ZFYVE9: variants seen among roughly 807,000 people sequenced by gnomAD.
ZFYVE9 encodes the protein zinc finger FYVE domain-containing protein 9.
ZFYVE9 carries 43 observed loss-of-function variants against 126.7 expected under a neutral mutation model. That is an observed-to-expected ratio of 0.34 (90% CI 0.27 to 0.44). The LOEUF (loss-of-function observed/expected upper bound fraction) is 0.44. Among genes scored for constraint, ZFYVE9 ranks in the 20% least tolerant of loss-of-function variants. The probability of loss-of-function intolerance (pLI) is 1.00; values close to 1 mark genes in which losing one functional copy is unlikely to be tolerated. For synonymous variants in ZFYVE9, 521 were observed against 597.4 expected (o/e 0.87, Z 1.87); for missense variants, 1,476 against 1,697.0 (o/e 0.87, Z 2.29).
At chr1:52,323,599 A>G (rs993154591) in intron 13 of ZFYVE9, among the ~76,000 whole-genome samples, 1 of 152,138 alleles carries the variant, frequency 6.6e-6, no homozygotes, top group African/African-American at 2.4e-5. Context: ...ATAGCGTGAG[A>G]CCTCAGCTCT....
chr1:52,167,667 A>G (rs766464005), intron 1 of ZFYVE9, among the ~76,000 whole-genome samples: 1 of 152,142 alleles, frequency 6.6e-6, no homozygotes, highest in South Asian at 2.1e-4. Flanking sequence ...AGCACATACA[A>G]ATCATCAACT....
At chr1:52,166,197 A>G (rs1282885583) in intron 1 of ZFYVE9, among the ~76,000 whole-genome samples, 2 of 152,244 alleles carry the variant, frequency 1.3e-5, no homozygotes, top group Non-Finnish European at 2.9e-5. Context: ...GCAGTGAAGA[A>G]TAAGACTACC....
At chr1:52,179,710 T>C (rs976078073) in intron 1 of ZFYVE9, 1 of 335,422 alleles carries the variant, frequency 3.0e-6, no homozygotes, top group African/African-American at 2.2e-5. Flanking sequence ...AAGAGGAAAA[T>C]CAATAGAGAG....
chr1:52,213,965 T>A (rs1394946414), intron 1 of ZFYVE9, among the ~76,000 whole-genome samples: 1 of 152,084 alleles, frequency 6.6e-6, no homozygotes, highest in Admixed American at 6.6e-5. Context: ...CAAAGAATGA[T>A]TAGTTTTGCA....
Position 52,168,214 on chromosome 1 carries a change from CTTTTTTTTTTT to C in ZFYVE9, c.-143+25823_-143+25833del, listed in dbSNP as rs139943554. 8.7e-5 allele frequency among the ~76,000 whole-genome samples: 10 copies of C among 115,018 alleles called. 1 individual carries two copies. Among genetic ancestry groups the C allele is most frequent in the South Asian group, 2.8e-4 (1 of 3,578 alleles). 75.5% of individuals were successfully genotyped at this position (115,018 alleles called of 152,430 possible). ...TCCTCCTCTTCCTCCTCTTCGTCTT[CTTTTTTTTTTT>C]TTTTTTTTTTTGACAGAGTCTCGCT... is the stretch of plus-strand genomic sequence containing the variant. On this transcript the variant is annotated intron_variant, in intron 1 of 18. Transcript: ENST00000287727.
At chr1:52,164,661 C>T (rs1276340049) in intron 1 of ZFYVE9, among the ~76,000 whole-genome samples, 1 of 152,138 alleles carries the variant, frequency 6.6e-6, no homozygotes, top group East Asian at 1.9e-4. Flanking sequence ...TCCATCCATC[C>T]ATCCATCCAT....
At chr1:52,286,972 T>G (rs1645867931) in intron 10 of ZFYVE9, among the ~76,000 whole-genome samples, 1 of 152,208 alleles carries the variant, frequency 6.6e-6, no homozygotes, top group Admixed American at 6.5e-5. Context: ...CCCAACTGTC[T>G]CAATCCTATC....
At position 52,296,916 on chromosome 1, in the gene ZFYVE9, C is replaced by T. The variant is rs575275666; in HGVS notation, c.3333+939C>T. On this transcript the variant is annotated intron_variant, in intron 12 of 18. Transcript: ENST00000287727. ...GCAACCTCCACCTCCGAGCAATTCT[C>T]GTGCCTGAGCCTCCTGAGCAGCTGT... 5.3e-5 allele frequency among the ~76,000 whole-genome samples: 8 copies of T among 152,330 alleles called. No individual in the cohort carries two copies. In the East Asian group the frequency reaches 5.8e-4, roughly 11 times the overall value.
In ZFYVE9 at chr1:52,238,200, T is replaced by A. The variant is rs773828845; in HGVS notation, c.783T>A (p.Ile261=). 3.7e-6 allele frequency: 6 copies of A among 1,614,082 alleles called. No homozygotes were observed. In the Admixed American group the frequency reaches 1.0e-4, roughly 27 times the overall value. The change falls in exon 4 of 19, where the codon ATT becomes ATA. Residue 261 remains isoleucine, a synonymous_variant. Coordinates refer to ENST00000287727, the MANE Select transcript of ZFYVE9 (RefSeq NM_004799.4). ...SIGRDPSMSA[I]TSLTVDSVIS... Reference sequence around the variant, plus strand: ...GTAGAGACCCCTCCATGTCTGCGATTACAAGTTTAACGGTTGATTCAGTAA... The same window carrying A: ...GTAGAGACCCCTCCATGTCTGCGATAACAAGTTTAACGGTTGATTCAGTAA...
intron 7 of ZFYVE9, among the ~76,000 whole-genome samples, chr1:52,271,034 A>T (rs534470157): frequency 3.3e-5 from 5 of 152,278 alleles, no homozygotes; most frequent in South Asian, 2.1e-4. Flanking sequence ...ATATAAAATT[A>T]AAAAATTAGC....
chr1:52,290,810 T>C lies in ZFYVE9; in HGVS notation c.3026-2643T>C, dbSNP rs117150329. ...ATTTGCATTAGAATAATAATAGTTA[T>C]AATTTTTTGAGAATACAGTGTTGCT... On this transcript the variant is annotated intron_variant, in intron 10 of 18. Coordinates refer to ENST00000287727, the MANE Select transcript of ZFYVE9 (RefSeq NM_004799.4). 1.6e-4 allele frequency among the ~76,000 whole-genome samples: 24 copies of C among 152,346 alleles called. No individual in the cohort carries two copies. In the East Asian group the frequency reaches 4.0e-3, roughly 26 times the overall value.
At chr1:52,154,547 T>TC (rs1434411335) in intron 1 of ZFYVE9, among the ~76,000 whole-genome samples, 4 of 152,318 alleles carry the variant, frequency 2.6e-5, no homozygotes, top group Non-Finnish European at 4.4e-5. Context: ...TTGGATACTT[T>TC]CTGGTGGGCA....
chr1:52,280,525 G>A lies in ZFYVE9; in HGVS notation c.2870-1136G>A, dbSNP rs1645792986. Among the ~76,000 whole-genome samples, 3 of 152,252 alleles carry A rather than the reference G, an allele frequency of 2.0e-5. No homozygotes were observed. In the South Asian group the frequency reaches 6.2e-4, roughly 32 times the overall value. ...GATTAACATTTGTTTTGATTTACAT[G>A]GTGGTATTCATAATTTTATTTGAGT... On this transcript the variant is annotated intron_variant, in intron 9 of 18. Coordinates refer to ENST00000287727, the MANE Select transcript of ZFYVE9 (RefSeq NM_004799.4).
chr1:52,150,373 A>G (rs1644343326), intron 1 of ZFYVE9: 1 of 152,254 alleles, frequency 6.6e-6, no homozygotes, highest in African/African-American at 2.4e-5. Flanking sequence ...ATGTCTGAGA[A>G]TAGCCACCCC....
At chr1:52,178,449 G>A (rs1463860943) in intron 1 of ZFYVE9, among the ~76,000 whole-genome samples, 2 of 150,294 alleles carry the variant, frequency 1.3e-5, no homozygotes, top group Admixed American at 1.3e-4. Flanking sequence ...CTCTTGCCTC[G>A]GCCTCCTGAG....
At chr1:52,334,557 T>TA (rs1469227864) in intron 14 of ZFYVE9, 131 bp from the exon 15 acceptor site, 2 of 829,978 alleles carry the variant, frequency 2.4e-6, no homozygotes, top group Non-Finnish European at 3.8e-6. Flanking sequence ...TATTGTGGAA[T>TA]ATAGATTTGA....
At chr1:52,190,863 A>G (rs940852915) in intron 1 of ZFYVE9, among the ~76,000 whole-genome samples, 3 of 152,232 alleles carry the variant, frequency 2.0e-5, no homozygotes, top group Non-Finnish European at 4.4e-5. Flanking sequence ...TTTTTATACA[A>G]CCAAGTCTTA....
intron 1 of ZFYVE9, among the ~76,000 whole-genome samples, chr1:52,187,648 T>C (rs1281965674): frequency 1.3e-5 from 2 of 152,118 alleles, no homozygotes; most frequent in Admixed American, 6.5e-5. Flanking sequence ...GCAAAGGACA[T>C]GAACACTTTT....
At chr1:52,207,409 C>T (rs1316994613) in intron 1 of ZFYVE9, among the ~76,000 whole-genome samples, 7 of 152,156 alleles carry the variant, frequency 4.6e-5, no homozygotes, top group African/African-American at 1.7e-4. Context: ...TTCTTTATAG[C>T]TCTTGACTGG....
Sources: allele counts gnomAD v4.1 joint callset (sites outside exome capture counted in the v4.1 genomes callset), GRCh38; gene constraint gnomAD v4.1.1; transcripts MANE v1.5; gene names NCBI Gene and HGNC (gene_info 2026-07-23, HGNC 2026-07-21).